Variants in EDA observed in about 807,000 individuals in gnomAD.
EDA encodes ectodysplasin A.
In EDA, 2 loss-of-function variants were observed where a neutral mutation model predicts 23.6. That is an observed-to-expected ratio of 0.08 (90% CI 0.03 to 0.27). The LOEUF is 0.27. Ranked by LOEUF, EDA falls within the 10% of genes least tolerant of loss-of-function variation. The pLI is 1.00. For missense variants in EDA, 229 were observed against 324.2 expected, an observed-to-expected ratio of 0.71 and a Z score of 2.26; for synonymous variants, 131 against 132.0, an observed-to-expected ratio of 0.99 and a Z score of 0.05.
At chrX:69,696,377 CATCTT>C (rs767975750) in intron 1 of EDA, among the ~76,000 whole-genome samples, 101 of 112,039 alleles carry the variant, frequency 9.0e-4, no homozygotes, top group African/African-American at 2.9e-3. Flanking sequence ...ATTTCCTTCT[CATCTT>C]AGCTTGATCA....
intron 6 of EDA, 103 bp downstream of exon 6, chrX:70,030,623 T>A (rs1453977772): frequency 1.3e-6 from 1 of 759,027 alleles, no homozygotes; most frequent in Non-Finnish European, 2.0e-6. Context: ...GCCGCTGAGG[T>A]ACCGTTGGCA....
intron 1 of EDA, among the ~76,000 whole-genome samples, chrX:69,655,693 C>A (rs1933286083): frequency 1.0e-5 from 1 of 97,256 alleles, no homozygotes; most frequent in African/African-American, 4.0e-5. Context: ...TGAATTCATT[C>A]CAGTTGTATA....
intron 1 of EDA, among the ~76,000 whole-genome samples, chrX:69,724,740 A>G (rs185950340): frequency 5.3e-5 from 6 of 112,362 alleles, no homozygotes; most frequent in African/African-American, 1.9e-4. Flanking sequence ...GAGAAATCCT[A>G]TCAGACTTAC....
chrX:69,782,340 T>C (rs1249053699), intron 1 of EDA, among the ~76,000 whole-genome samples: 2 of 91,696 alleles, frequency 2.2e-5, no homozygotes, highest in Non-Finnish European at 4.1e-5. Context: ...ACCAAGTGTG[T>C]GTAGACAAAT....
chrX:69,951,396 T>G (rs2018924553), intron 1 of EDA, among the ~76,000 whole-genome samples: 1 of 111,029 alleles, frequency 9.0e-6, no homozygotes, highest in South Asian at 3.8e-4. Flanking sequence ...TAAATTTCTC[T>G]TCTTTATAAG....
chrX:69,653,820 A>C (rs1382232154), intron 1 of EDA, among the ~76,000 whole-genome samples: 1 of 111,869 alleles, frequency 8.9e-6, no homozygotes, highest in Non-Finnish European at 1.9e-5. Context: ...TAAAGACTTA[A>C]ATGTTAGACC....
chrX:69,736,318 C>T (rs1569313152), intron 1 of EDA, among the ~76,000 whole-genome samples: 3 of 111,060 alleles, frequency 2.7e-5, no homozygotes, highest in Non-Finnish European at 5.7e-5. Context: ...AAAAAAAGGA[C>T]ACCCACTTAT....
intron 1 of EDA, among the ~76,000 whole-genome samples, chrX:69,793,536 T>C (rs2015461123): frequency 9.4e-6 from 1 of 106,052 alleles, no homozygotes; most frequent in Non-Finnish European, 1.9e-5. Flanking sequence ...CCCCTAATGG[T>C]TGAATGGAGC....
At chrX:69,784,624 G>A (rs2147454427) in intron 1 of EDA, among the ~76,000 whole-genome samples, 1 of 108,038 alleles carries the variant, frequency 9.3e-6, no homozygotes, top group African/African-American at 3.3e-5. Context: ...TTATTTTTGA[G>A]GGCTCTGTTC....
chrX:69,679,735 C>T (rs192095776), intron 1 of EDA, among the ~76,000 whole-genome samples: 243 of 111,050 alleles, frequency 2.2e-3, no homozygotes, highest in African/African-American at 7.4e-3. Context: ...GTCTTGCTAG[C>T]GGTTTATCAA....
intron 1 of EDA, among the ~76,000 whole-genome samples, chrX:69,803,632 A>G (rs187913567): frequency 3.6e-5 from 4 of 111,200 alleles, no homozygotes; most frequent in African/African-American, 6.5e-5. Flanking sequence ...TAGCATATCT[A>G]TCATCTCAAA....
At chrX:69,909,578 C>T (rs769809945) in intron 1 of EDA, among the ~76,000 whole-genome samples, 7 of 112,696 alleles carry the variant, frequency 6.2e-5, no homozygotes, top group Non-Finnish European at 1.1e-4. Flanking sequence ...GGATTACAGG[C>T]GTGAGCCACC....
rs1312426990 is a variant in EDA, at chrX:69,788,139, C to T, written c.397-168888C>T. 6.3e-5 allele frequency among the ~76,000 whole-genome samples: 7 copies of T among 111,634 alleles called. No homozygotes were observed. In the East Asian group the frequency reaches 2.0e-3, roughly 31 times the overall value. On this transcript the variant is annotated intron_variant, in intron 1 of 7. Coordinates refer to ENST00000374552, the MANE Select transcript of EDA (RefSeq NM_001399.5). ...AGTTCTCGAGCCTTGGTTTTCAGCT[C>T]CATCAGCTCCTTTAAGCACTTCTCT...
chrX:69,945,431 A>G (rs1400545345), intron 1 of EDA, among the ~76,000 whole-genome samples: 1 of 112,098 alleles, frequency 8.9e-6, no homozygotes, highest in African/African-American at 3.2e-5. Flanking sequence ...AATTAGGAGC[A>G]ATTAGCTATG....
At chrX:69,930,794 T>C (rs1223612169) in intron 1 of EDA, among the ~76,000 whole-genome samples, 1 of 111,341 alleles carries the variant, frequency 9.0e-6, no homozygotes, top group Non-Finnish European at 1.9e-5. Flanking sequence ...ACAAAACAAC[T>C]ACCAGAACTA....
At chrX:69,806,496 T>C (rs1646670802) in intron 1 of EDA, among the ~76,000 whole-genome samples, 1 of 111,190 alleles carries the variant, frequency 9.0e-6, no homozygotes, top group African/African-American at 3.3e-5. Context: ...GAAGGCACTG[T>C]GCTATGTGAT....
intron 1 of EDA, among the ~76,000 whole-genome samples, chrX:69,781,746 T>C (rs911119719): frequency 9.0e-6 from 1 of 111,187 alleles, no homozygotes; most frequent in Non-Finnish European, 1.9e-5. Context: ...ATGGCCAGTA[T>C]CTTAGCTATG....
At chrX:69,721,286 G>C (rs963989028) in intron 1 of EDA, among the ~76,000 whole-genome samples, 2 of 112,089 alleles carry the variant, frequency 1.8e-5, no homozygotes, top group Non-Finnish European at 3.8e-5. Flanking sequence ...AAGGAGGAGA[G>C]TCTTGGGTTT....
intron 2 of EDA, among the ~76,000 whole-genome samples, chrX:69,968,194 G>T (rs778500172): frequency 1.8e-5 from 2 of 111,830 alleles, no homozygotes; most frequent in African/African-American, 3.3e-5. Flanking sequence ...AGTATGATAA[G>T]ACTGTCATGG....
Sources: allele counts gnomAD v4.1 joint callset (sites outside exome capture counted in the v4.1 genomes callset), GRCh38; gene constraint gnomAD v4.1.1; transcripts MANE v1.5; gene names NCBI Gene and HGNC (gene_info 2026-07-23, HGNC 2026-07-21).